Variants in DCC observed in about 807,000 individuals in gnomAD.
DCC encodes DCC netrin 1 receptor.
DCC carries 58 observed loss-of-function variants against 172.5 expected under a neutral mutation model. The observed-to-expected ratio is 0.34, with a 90% CI of 0.27 to 0.42. DCC has a LOEUF of 0.42. DCC is among the 10% of genes least tolerant of loss of function. DCC has a pLI of 1.00. For synonymous variants in DCC, 709 were observed against 644.5 expected (o/e 1.10, Z -1.52); for missense variants, 1,740 against 1,791.0 (o/e 0.97, Z 0.51).
intron 5 of DCC, among the ~76,000 whole-genome samples, chr18:53,050,669 T>C (rs1416054911): frequency 6.6e-6 from 1 of 152,084 alleles, no homozygotes; most frequent in East Asian, 1.9e-4. Context: ...TCAAGGAGCT[T>C]TTGGACAGAG....
At chr18:52,594,881 G>C (rs962812780) in intron 1 of DCC, among the ~76,000 whole-genome samples, 33 of 152,136 alleles carry the variant, frequency 2.2e-4, no homozygotes, top group Non-Finnish European at 5.9e-5. Context: ...CCTTCCACCA[G>C]GCCCACCTCC....
intron 5 of DCC, among the ~76,000 whole-genome samples, chr18:53,039,599 G>A (rs2042142192): frequency 6.6e-6 from 1 of 152,084 alleles, no homozygotes; most frequent in East Asian, 1.9e-4. Context: ...GTTGGAAAGA[G>A]GCTTCTTGAC....
intron 1 of DCC, among the ~76,000 whole-genome samples, chr18:52,346,070 A>G (rs1471279736): frequency 1.3e-5 from 2 of 152,210 alleles, no homozygotes; most frequent in African/African-American, 4.8e-5. Flanking sequence ...TATCAGTAGC[A>G]TGGGACTGAC....
chr18:53,254,180 C>A (rs1456967117), intron 12 of DCC, among the ~76,000 whole-genome samples: 4 of 151,936 alleles, frequency 2.6e-5, no homozygotes, highest in Non-Finnish European at 5.9e-5. Flanking sequence ...TCACTCTTAG[C>A]GTAAATAAAA....
At chr18:53,376,160 G>A (rs1195768476) in intron 15 of DCC, among the ~76,000 whole-genome samples, 1 of 152,162 alleles carries the variant, frequency 6.6e-6, no homozygotes, top group Non-Finnish European at 1.5e-5. Flanking sequence ...GAGAGGCTGA[G>A]GCAGGCGGAT....
chr18:53,158,008 T>A (rs9963399), intron 8 of DCC, among the ~76,000 whole-genome samples: 1 of 151,996 alleles, frequency 6.6e-6, no homozygotes, highest in African/African-American at 2.4e-5. Context: ...AGACAAATGC[T>A]TGAGGTGATG....
intron 12 of DCC, among the ~76,000 whole-genome samples, chr18:53,254,925 A>G (rs1481373209): frequency 2.6e-5 from 4 of 152,110 alleles, no homozygotes; most frequent in African/African-American, 9.7e-5. Flanking sequence ...CTTAGGGACT[A>G]CATATAGGAC....
intron 1 of DCC, among the ~76,000 whole-genome samples, chr18:52,731,218 C>T (rs1358860219): frequency 1.3e-5 from 2 of 152,146 alleles, no homozygotes; most frequent in Admixed American, 1.3e-4. Flanking sequence ...ATTAATGTTT[C>T]ATTATGTTAA....
intron 2 of DCC, among the ~76,000 whole-genome samples, chr18:52,815,422 AC>A (rs2038276942): frequency 6.6e-6 from 1 of 151,748 alleles, no homozygotes; most frequent in Non-Finnish European, 1.5e-5. Context: ...ACACACACAC[AC>A]ACACACACAC....
chr18:52,822,150 A>G (rs1336558960), intron 2 of DCC, among the ~76,000 whole-genome samples: 1 of 152,238 alleles, frequency 6.6e-6, no homozygotes, highest in Non-Finnish European at 1.5e-5. Flanking sequence ...CACAGAAGCC[A>G]TTAATCTGGA....
intron 5 of DCC, among the ~76,000 whole-genome samples, chr18:53,021,038 G>A (rs529770576): frequency 6.4e-4 from 97 of 152,254 alleles, no homozygotes; most frequent in African/African-American, 2.2e-3. Context: ...GAGCAGAGAG[G>A]AAAATATCCT....
chr18:53,425,608 C>T (rs574188867), intron 21 of DCC, among the ~76,000 whole-genome samples: 8 of 151,986 alleles, frequency 5.3e-5, no homozygotes, highest in African/African-American at 1.9e-4. Flanking sequence ...GTGACCTGCC[C>T]GCCTCGGCCT....
At chr18:53,113,326 A>T (rs2043362589) in intron 7 of DCC, among the ~76,000 whole-genome samples, 1 of 151,478 alleles carries the variant, frequency 6.6e-6, no homozygotes, top group Non-Finnish European at 1.5e-5. Flanking sequence ...ATAATTTATT[A>T]ATTCGATTTC....
chr18:52,615,201 C>A (rs1019349188), intron 1 of DCC, among the ~76,000 whole-genome samples: 1 of 152,122 alleles, frequency 6.6e-6, no homozygotes, highest in African/African-American at 2.4e-5. Flanking sequence ...TGGAGTGTAA[C>A]CCAGAGCCAC....
intron 5 of DCC, among the ~76,000 whole-genome samples, chr18:53,000,961 T>G (rs1275608976): frequency 6.6e-6 from 1 of 152,070 alleles, no homozygotes; most frequent in African/African-American, 2.4e-5. Flanking sequence ...ATCGACTGCA[T>G]CTGTGTGATA....
intron 1 of DCC, among the ~76,000 whole-genome samples, chr18:52,599,526 A>ATTATTTGATT (rs2033975014): frequency 6.7e-6 from 1 of 149,840 alleles, no homozygotes; most frequent in Non-Finnish European, 1.5e-5. Flanking sequence ...TTATAAATAT[A>ATTATTTGATT]TTATTTTATT....
At chr18:53,274,941 G>A (rs2056789140) in intron 12 of DCC, among the ~76,000 whole-genome samples, 2 of 152,084 alleles carry the variant, frequency 1.3e-5, no homozygotes, top group African/African-American at 4.8e-5. Context: ...GCCTCAGACA[G>A]TTGCATTTTG....
intron 1 of DCC, among the ~76,000 whole-genome samples, chr18:52,457,231 T>C (rs1222194352): frequency 7.2e-5 from 11 of 152,112 alleles, no homozygotes; most frequent in Non-Finnish European, 1.6e-4. Flanking sequence ...TGCAATATGA[T>C]AGAGAAATAG....
At chr18:53,094,419 T>C (rs2043055739) in intron 7 of DCC, among the ~76,000 whole-genome samples, 1 of 152,236 alleles carries the variant, frequency 6.6e-6, no homozygotes, top group Non-Finnish European at 1.5e-5. Context: ...TTTAGGATTC[T>C]GTCACTTTTA....
Sources: gnomAD v4.1 joint callset for allele counts (sites outside exome capture counted in the v4.1 genomes callset) on GRCh38, gnomAD v4.1.1 for gene constraint, MANE v1.5 for transcripts, NCBI Gene and HGNC (gene_info 2026-07-23, HGNC 2026-07-21) for gene names.